The following ATP8A2 variants were observed in gnomAD, a reference collection of about 807,000 sequenced individuals.
The protein encoded by ATP8A2 is phospholipid-transporting ATPase IB.
A neutral mutation model predicts 165.6 loss-of-function variants in ATP8A2; 100 were observed. That is an observed-to-expected ratio of 0.60 (90% confidence interval 0.51 to 0.71). ATP8A2 has a LOEUF of 0.71. Ranked by LOEUF, ATP8A2 falls within the 30% of genes least tolerant of loss-of-function variation. ATP8A2 has a pLI of 0.00. For missense variants in ATP8A2, 1,227 were observed against 1,479.5 expected, an observed-to-expected ratio of 0.83 and a Z score of 2.80; for synonymous variants, 543 against 548.8, an observed-to-expected ratio of 0.99 and a Z score of 0.15.
chr13:25,745,874 A>T (rs2044020246), intron 25 of ATP8A2, among the ~76,000 whole-genome samples: 1 of 152,200 alleles, frequency 6.6e-6, no homozygotes, highest in South Asian at 2.1e-4. Context: ...CAGTGCCAAA[A>T]ATGGTATTTT....
intron 24 of ATP8A2, among the ~76,000 whole-genome samples, chr13:25,674,271 C>CG (rs1025430969): frequency 1.3e-4 from 20 of 152,070 alleles, no homozygotes; most frequent in African/African-American, 4.6e-4. Flanking sequence ...TGTGTCCCCC[C>CG]CCGAAAACTA....
chr13:25,831,739 A>G (rs568067824), intron 28 of ATP8A2, among the ~76,000 whole-genome samples: 6 of 151,156 alleles, frequency 4.0e-5, no homozygotes, highest in African/African-American at 1.2e-4. Context: ...GCTACTTGGG[A>G]GGCTGAGACA....
chr13:25,485,262 G>C (rs1247810507), intron 2 of ATP8A2, among the ~76,000 whole-genome samples: 1 of 152,218 alleles, frequency 6.6e-6, no homozygotes, highest in Non-Finnish European at 1.5e-5. Context: ...AGCAGAGGAA[G>C]TAATTTTAAG....
At chr13:25,824,553 A>G (rs1023562420) in intron 27 of ATP8A2, among the ~76,000 whole-genome samples, 4 of 152,128 alleles carry the variant, frequency 2.6e-5, no homozygotes, top group East Asian at 1.9e-4. Flanking sequence ...GGGAAAGGGG[A>G]TTCCAAGTTG....
chr13:25,883,922 A>T (rs1403236624), intron 33 of ATP8A2, among the ~76,000 whole-genome samples: 4 of 152,302 alleles, frequency 2.6e-5, no homozygotes, highest in Non-Finnish European at 4.4e-5. Flanking sequence ...AGGAGAGGTG[A>T]TTTAAAATCT....
intron 25 of ATP8A2, among the ~76,000 whole-genome samples, chr13:25,717,793 A>G (rs941353955): frequency 3.3e-5 from 5 of 152,184 alleles, no homozygotes; most frequent in African/African-American, 4.8e-5. Context: ...CTCCCTCAGT[A>G]TAGCTGCTGC....
chr13:25,894,535 T>C (rs1278808017), intron 33 of ATP8A2, among the ~76,000 whole-genome samples: 10 of 152,198 alleles, frequency 6.6e-5, no homozygotes, highest in South Asian at 4.1e-4. Flanking sequence ...TTTGGTTCCA[T>C]ATGAACTTTA....
chr13:25,561,241 G>C (rs1233487451), intron 15 of ATP8A2, among the ~76,000 whole-genome samples: 1 of 152,012 alleles, frequency 6.6e-6, no homozygotes, highest in Non-Finnish European at 1.5e-5. Flanking sequence ...AAGTGTCTTT[G>C]TATTATTTCT....
At chr13:25,576,672 T>G (rs2039627592) in intron 19 of ATP8A2, among the ~76,000 whole-genome samples, 1 of 152,164 alleles carries the variant, frequency 6.6e-6, no homozygotes, top group Admixed American at 6.5e-5. Context: ...CTGAGTTAAG[T>G]GGATCTATAC....
At chr13:25,534,891 A>G (rs1249165466) in intron 6 of ATP8A2, among the ~76,000 whole-genome samples, 1 of 152,232 alleles carries the variant, frequency 6.6e-6, no homozygotes, top group Non-Finnish European at 1.5e-5. Context: ...GTGGGGCCCT[A>G]GAATTTGCAC....
At chr13:25,727,468 C>T (rs2043519907) in intron 25 of ATP8A2, among the ~76,000 whole-genome samples, 1 of 152,138 alleles carries the variant, frequency 6.6e-6, no homozygotes, top group Non-Finnish European at 1.5e-5. Context: ...AAGCAAATAT[C>T]TCAGGCCTTT....
At chr13:25,786,464 A>T (rs1006245823) in intron 27 of ATP8A2, among the ~76,000 whole-genome samples, 4 of 152,194 alleles carry the variant, frequency 2.6e-5, no homozygotes, top group African/African-American at 9.6e-5. Flanking sequence ...TATTGATCAA[A>T]ATATTGTCCT....
intron 33 of ATP8A2, among the ~76,000 whole-genome samples, chr13:25,884,658 C>T (rs752868205): frequency 2.0e-5 from 3 of 152,224 alleles, no homozygotes; most frequent in Non-Finnish European, 2.9e-5. Flanking sequence ...GCAGTCCCCG[C>T]TGCTCTGAGC....
chr13:25,912,705 T>G (rs778511699), intron 33 of ATP8A2, among the ~76,000 whole-genome samples: 1 of 152,198 alleles, frequency 6.6e-6, no homozygotes, highest in Non-Finnish European at 1.5e-5. Context: ...TTTAATTAAC[T>G]GTGTAAGTAT....
intron 33 of ATP8A2, among the ~76,000 whole-genome samples, chr13:25,945,894 G>T (rs1453073357): frequency 6.6e-6 from 1 of 152,160 alleles, no homozygotes; most frequent in Non-Finnish European, 1.5e-5. Flanking sequence ...TCAGCACACG[G>T]CACTGTACAG....
intron 25 of ATP8A2, among the ~76,000 whole-genome samples, chr13:25,764,193 G>A (rs1440241722): frequency 6.6e-6 from 1 of 152,024 alleles, no homozygotes; most frequent in Non-Finnish European, 1.5e-5. Context: ...GTGTCATTAC[G>A]AAAAACAACT....
chr13:25,853,389 T>TAAAAA (rs58660867), intron 30 of ATP8A2, among the ~76,000 whole-genome samples: 4 of 72,298 alleles, frequency 5.5e-5, no homozygotes, highest in African/African-American at 1.3e-4. Flanking sequence ...AGACTCTATC[T>TAAAAA]AAAAAAAATA....
chr13:25,833,217 C>T (rs1421778569), intron 28 of ATP8A2, among the ~76,000 whole-genome samples: 1 of 151,828 alleles, frequency 6.6e-6, no homozygotes, highest in Non-Finnish European at 1.5e-5. Flanking sequence ...AATGGAAAAG[C>T]ATACTATTTT....
intron 1 of ATP8A2, among the ~76,000 whole-genome samples, chr13:25,400,300 C>T (rs138901361): frequency 1.3e-5 from 2 of 152,220 alleles, no homozygotes; most frequent in African/African-American, 4.8e-5. Context: ...TCTCCAAATG[C>T]CAAATCTTTG....
Sources: gnomAD v4.1 joint callset for allele counts (sites outside exome capture counted in the v4.1 genomes callset) on GRCh38, gnomAD v4.1.1 for gene constraint, MANE v1.5 for transcripts, NCBI Gene and HGNC (gene_info 2026-07-23, HGNC 2026-07-21) for gene names.